The following ADAM22 variants were observed in gnomAD, a reference collection of about 807,000 sequenced individuals.
ADAM22 encodes ADAM metallopeptidase domain 22.
Under a neutral mutation model 144.6 loss-of-function variants are expected in ADAM22, and 65 were observed. That is an observed-to-expected ratio of 0.45 (90% CI 0.37 to 0.55). The LOEUF (loss-of-function observed/expected upper bound fraction) is 0.55, where lower values mean the gene tolerates loss of function less well. ADAM22 is among the 20% of genes least tolerant of loss of function. The pLI, the probability that ADAM22 is intolerant of heterozygous loss-of-function variation, is 0.00. For synonymous variants in ADAM22, 391 were observed against 412.6 expected (o/e 0.95, Z 0.63); for missense variants, 974 against 1,184.9 (o/e 0.82, Z 2.61).
In ADAM22 at chr7:88,053,332, T is replaced by C. The variant is rs550249018; in HGVS notation, c.324-22294T>C. On this transcript the variant is annotated intron_variant, in intron 3 of 31. Transcript: ENST00000413139. ...AAAAAAAAAATTTAGCTGGGCATCA[T>C]AGTATGCATGCCTGTAGTCCCAGCT... Among the ~76,000 whole-genome samples, 4 of 151,756 alleles carry C rather than the reference T, an allele frequency of 2.6e-5. 1 individual carries two copies. The highest frequency in any genetic ancestry group is 3.9e-4 in the East Asian group (2 of 5,168).
At chr7:88,123,671 G>A (rs924971441) in intron 7 of ADAM22, among the ~76,000 whole-genome samples, 5 of 151,124 alleles carry the variant, frequency 3.3e-5, no homozygotes, top group African/African-American at 1.2e-4. Context: ...TTATTTTTCT[G>A]GGCTCTTAAG....
intron 3 of ADAM22, among the ~76,000 whole-genome samples, chr7:88,035,248 G>A (rs1801245493): frequency 6.6e-6 from 1 of 152,230 alleles, no homozygotes; most frequent in African/African-American, 2.4e-5. Context: ...AACACTGTAG[G>A]AAGGAAAACT....
rs1850858972 is a variant in ADAM22 at position 88,198,003 on chromosome 7, ATTCCAAAAGAAAG to A, written c.*1513_*1525del. The A allele has an allele frequency of 6.6e-6, 1 of 152,214 alleles. No homozygotes were observed. The highest frequency in any genetic ancestry group is 1.5e-5 in the Non-Finnish European group (1 of 68,024). The allele number at this position is 152,214 out of a possible 1,614,324, so 9.4% of individuals were successfully genotyped here. The stretch of plus-strand genomic sequence containing the variant: ...TAGCTGTTATAATGGCAGATCTGTC[ATTCCAAAAGAAAG>A]CTAGCTACCCTAGTGAGGCTGGAGA... On this transcript the variant is annotated 3_prime_UTR_variant, in exon 32 of 32. Transcript: ENST00000413139.
intron 2 of ADAM22, among the ~76,000 whole-genome samples, chr7:87,942,502 A>G (rs1842673436): frequency 6.6e-6 from 1 of 152,194 alleles, no homozygotes; most frequent in Non-Finnish European, 1.5e-5. Context: ...TTTAGATGCC[A>G]TTAAATGTTG....
In ADAM22 at chr7:88,078,534, A is replaced by T. The variant is rs1377088734; in HGVS notation, c.390+2842A>T. ...CGAGTTGAGAGAAGAAGGCTTCAGG[A>T]GATCAAACTACTCCGAGCTAAAGGA... is the stretch of plus-strand genomic sequence containing the variant. On this transcript the variant is annotated intron_variant, in intron 4 of 31. Coordinates refer to ENST00000413139, the MANE Select transcript of ADAM22 (RefSeq NM_001324418.2). Among the ~76,000 whole-genome samples the T allele has an allele frequency of 3.3e-5, 5 of 152,262 alleles. No homozygotes were observed. In the South Asian group the frequency reaches 1.0e-3, roughly 31 times the overall value.
chr7:88,006,898 C>G (rs1342986243), intron 3 of ADAM22, among the ~76,000 whole-genome samples: 2 of 150,110 alleles, frequency 1.3e-5, no homozygotes, highest in African/African-American at 4.9e-5. Flanking sequence ...GAAGTTCTGG[C>G]CAGGGCAATT....
At chr7:87,985,883 A>G (rs1001087826) in intron 3 of ADAM22, among the ~76,000 whole-genome samples, 6 of 152,080 alleles carry the variant, frequency 3.9e-5, no homozygotes, top group Non-Finnish European at 7.4e-5. Flanking sequence ...ATGCTAAGCT[A>G]TTTTCCAAAG....
chr7:88,150,564 CA>C (rs1439918361), intron 18 of ADAM22, among the ~76,000 whole-genome samples: 11 of 152,134 alleles, frequency 7.2e-5, no homozygotes, highest in Non-Finnish European at 1.0e-4. Flanking sequence ...TCCATTTATG[CA>C]GACTTACTCT....
chr7:88,185,384 G>A (rs1164522343), intron 29 of ADAM22, among the ~76,000 whole-genome samples: 2 of 152,030 alleles, frequency 1.3e-5, no homozygotes, highest in African/African-American at 4.8e-5. Context: ...TTATATAATT[G>A]GAAATGTAGT....
At chr7:88,115,280 A>G (rs1585865262) in intron 6 of ADAM22, among the ~76,000 whole-genome samples, 1 of 152,370 alleles carries the variant, frequency 6.6e-6, no homozygotes, top group Non-Finnish European at 1.5e-5. Flanking sequence ...TTGGAAATAT[A>G]ATACTTTCCC....
chr7:88,124,932 C>T (rs944225285), intron 7 of ADAM22, among the ~76,000 whole-genome samples: 4 of 151,918 alleles, frequency 2.6e-5, no homozygotes, highest in Non-Finnish European at 5.9e-5. Flanking sequence ...GGTTGCTCAA[C>T]CATCAAAGTC....
chr7:88,180,085 A>C (rs1233461503), intron 27 of ADAM22, among the ~76,000 whole-genome samples: 1 of 152,090 alleles, frequency 6.6e-6, no homozygotes, highest in African/African-American at 2.4e-5. Context: ...GGAGAATAGA[A>C]GGAATTAGTG....
rs1447474668 is a variant in ADAM22, at chr7:88,198,635, A to G, written c.*2144A>G. On this transcript the variant is annotated 3_prime_UTR_variant, in exon 32 of 32. Transcript: ENST00000413139. Reference sequence around the variant, plus strand: ...TAAAAGAGTTTATAGATTTGAATATAAGGTGCCTCATGTAAATATGCTTCC... The same window carrying G: ...TAAAAGAGTTTATAGATTTGAATATGAGGTGCCTCATGTAAATATGCTTCC... 1 of 152,242 alleles carries G rather than the reference A, an allele frequency of 6.6e-6. No homozygotes were observed. Among genetic ancestry groups the G allele is most frequent in the Non-Finnish European group, 1.5e-5 (1 of 68,034 alleles). The allele number at this position is 152,242 out of a possible 1,614,324, so 9.4% of individuals were successfully genotyped here. A position where few individuals can be genotyped will look rare whatever the true frequency, so the allele number is the denominator to read the frequency against.
chr7:87,944,379 G>A (rs1332004765), intron 2 of ADAM22, among the ~76,000 whole-genome samples: 1 of 152,138 alleles, frequency 6.6e-6, no homozygotes, highest in East Asian at 1.9e-4. Flanking sequence ...TACAGGAAGA[G>A]CTACCACTTG....
chr7:88,146,783 C>T (rs1836602087), intron 17 of ADAM22, among the ~76,000 whole-genome samples: 1 of 152,202 alleles, frequency 6.6e-6, no homozygotes, highest in East Asian at 1.9e-4. Flanking sequence ...TACAGTTATG[C>T]CCCAGATCTG....
rs1195232087 is a variant in ADAM22, at chr7:88,199,303, A to G, written c.*2812A>G. 2.6e-5 allele frequency: 4 copies of G among 151,684 alleles called. No homozygotes were observed. Among genetic ancestry groups the G allele is most frequent in the African/African-American group, 9.7e-5 (4 of 41,396 alleles). The allele number at this position is 151,684 out of a possible 1,614,324, so 9.4% of individuals were successfully genotyped here. On this transcript the variant is annotated 3_prime_UTR_variant, in exon 32 of 32. Coordinates refer to ENST00000413139, the MANE Select transcript of ADAM22 (RefSeq NM_001324418.2). ...TTATTTGGCCTTTATGTTCCATTGT[A>G]TGCCTTTTTCCCCTCTTCCAGTTTT...
chr7:88,082,375 A>G (rs951292389), intron 4 of ADAM22, among the ~76,000 whole-genome samples: 2 of 152,228 alleles, frequency 1.3e-5, no homozygotes, highest in African/African-American at 4.8e-5. Flanking sequence ...ACCTAAAACC[A>G]TAAAAACCCT....
Position 88,075,692 on chromosome 7 carries a change from A to G in ADAM22, c.390A>G (p.Lys130=). ...IEHGGKTVEV[K]GGEHCYYQGH... is the part of the protein sequence containing the mutation. ...ATGGAGGCAAGACTGTGGAAGTTAA[A>G]GTAAGTGAAATTTTCCTACTTGTGG... Residue 130 remains lysine (K), a splice_region_variant and synonymous_variant, in exon 4 of 32, where the codon AAA becomes AAG. Transcript: ENST00000413139. 6.2e-7 allele frequency: 1 copy of G among 1,612,770 alleles called. No individual in the cohort carries two copies. Among genetic ancestry groups the G allele is most frequent in the Non-Finnish European group, 8.5e-7 (1 of 1,179,258 alleles).
At position 88,188,827 on chromosome 7, in the gene ADAM22, T is replaced by A. The variant is rs541504271; in HGVS notation, c.2750+2126T>A. ...GTGGCCAGGTCATTCAGGATTACCC[T>A]TCCTGTCAAAACCACCACTGAGGGC... is the stretch of plus-strand genomic sequence containing the variant. On this transcript the variant is annotated intron_variant, in intron 30 of 31. Transcript: ENST00000413139. Among the ~76,000 whole-genome samples the A allele has an allele frequency of 6.1e-4, 93 of 152,326 alleles. No homozygotes were observed. In the Middle Eastern group the frequency reaches 0.02, roughly 33 times the overall value.
Sources: allele counts gnomAD v4.1 joint callset (sites outside exome capture counted in the v4.1 genomes callset), GRCh38; gene constraint gnomAD v4.1.1; transcripts MANE v1.5; gene names NCBI Gene and HGNC (gene_info 2026-07-23, HGNC 2026-07-21).